ZBTB7C: variants seen among roughly 807,000 people sequenced by gnomAD.
ZBTB7C encodes the protein zinc finger and BTB domain-containing protein 7C.
A neutral mutation model predicts 25.7 loss-of-function variants in ZBTB7C; 8 were observed. That is an observed-to-expected ratio of 0.31 (90% CI 0.18 to 0.56). The LOEUF (loss-of-function observed/expected upper bound fraction) is 0.56. ZBTB7C is among the 20% of genes least tolerant of loss of function. ZBTB7C has a pLI of 0.91. For synonymous variants in ZBTB7C, 394 were observed against 369.0 expected, an observed-to-expected ratio of 1.07 and a Z score of -0.78; for missense variants, 824 against 855.2, an observed-to-expected ratio of 0.96 and a Z score of 0.46.
chr18:48,143,484 A>G (rs986428950), intron 3 of ZBTB7C, among the ~76,000 whole-genome samples: 2 of 152,202 alleles, frequency 1.3e-5, no homozygotes, highest in African/African-American at 4.8e-5. Context: ...TACTGTGTGC[A>G]AGCCAGGATC....
chr18:48,354,952 G>A lies in ZBTB7C; in HGVS notation c.-303-16554C>T, dbSNP rs553737128. On this transcript the variant is annotated intron_variant, in intron 1 of 4. Coordinates refer to ENST00000590800, the MANE Select transcript of ZBTB7C (RefSeq NM_001318841.2). ...TCTTGTTGCCCAAACCTCAGAGGAG[G>A]GCTTTCCCTGAACCAACTCTGACTT... Among the ~76,000 whole-genome samples, 5 of 152,264 alleles carry A rather than the reference G, an allele frequency of 3.3e-5. No homozygotes were observed. In the East Asian group the frequency reaches 5.8e-4, roughly 18 times the overall value.
chr18:48,281,355 C>A (rs914838933), intron 2 of ZBTB7C, among the ~76,000 whole-genome samples: 3 of 152,070 alleles, frequency 2.0e-5, no homozygotes, highest in African/African-American at 7.2e-5. Flanking sequence ...ACCATAAAAA[C>A]CCTAGAAGAA....
intron 2 of ZBTB7C, among the ~76,000 whole-genome samples, chr18:48,293,077 C>A (rs959542583): frequency 6.6e-6 from 1 of 152,344 alleles, no homozygotes; most frequent in Non-Finnish European, 1.5e-5. Context: ...AAATACTCAA[C>A]AAACATTTGA....
chr18:48,212,358 G>A (rs2042721858), intron 2 of ZBTB7C, among the ~76,000 whole-genome samples: 1 of 152,252 alleles, frequency 6.6e-6, no homozygotes, highest in African/African-American at 2.4e-5. Context: ...GAGCACAGAG[G>A]ATGTTGAAAG....
chr18:48,139,249 T>TA (rs1384104529), intron 3 of ZBTB7C, among the ~76,000 whole-genome samples: 1 of 152,044 alleles, frequency 6.6e-6, no homozygotes, highest in African/African-American at 2.4e-5. Context: ...ACTCAGTAGT[T>TA]AAGAAAACAG....
chr18:48,171,780 T>C (rs1269926303), intron 3 of ZBTB7C, among the ~76,000 whole-genome samples: 2 of 152,244 alleles, frequency 1.3e-5, no homozygotes, highest in African/African-American at 4.8e-5. Flanking sequence ...GACTACTTTA[T>C]GTGGGGCAAC....
At chr18:48,035,581 C>T (rs1310561216) in intron 4 of ZBTB7C, among the ~76,000 whole-genome samples, 1 of 152,230 alleles carries the variant, frequency 6.6e-6, no homozygotes, top group East Asian at 1.9e-4. Context: ...GGGCCAGGCC[C>T]AGTTGGCAGT....
chr18:48,324,824 TG>T (rs2046180901), intron 2 of ZBTB7C, among the ~76,000 whole-genome samples: 1 of 152,108 alleles, frequency 6.6e-6, no homozygotes, highest in Non-Finnish European at 1.5e-5. Flanking sequence ...GGGACCTGTC[TG>T]GGCTGGTCCA....
At chr18:48,119,693 C>T (rs550706709) in intron 3 of ZBTB7C, among the ~76,000 whole-genome samples, 1 of 152,340 alleles carries the variant, frequency 6.6e-6, no homozygotes, top group South Asian at 2.1e-4. Flanking sequence ...TTGCTTAGGT[C>T]CATCCTGGGT....
intron 2 of ZBTB7C, among the ~76,000 whole-genome samples, chr18:48,203,161 G>C (rs1052560553): frequency 2.0e-5 from 3 of 152,074 alleles, no homozygotes; most frequent in African/African-American, 4.8e-5. Flanking sequence ...TTTCTGCCCG[G>C]GGCCTCACTC....
intron 2 of ZBTB7C, among the ~76,000 whole-genome samples, chr18:48,294,639 C>T (rs1476621353): frequency 6.6e-6 from 1 of 151,804 alleles, no homozygotes; most frequent in Non-Finnish European, 1.5e-5. Flanking sequence ...GTCCCCACAT[C>T]AGGGCATGCC....
chr18:48,144,624 G>A (rs2040446525), intron 3 of ZBTB7C, among the ~76,000 whole-genome samples: 1 of 152,156 alleles, frequency 6.6e-6, no homozygotes, highest in South Asian at 2.1e-4. Flanking sequence ...GGGATGACAG[G>A]TGTGAGCCAC....
rs548902333 is a variant in ZBTB7C, at chr18:48,102,994, A to G, written c.-16-61871T>C. Among the ~76,000 whole-genome samples the G allele has an allele frequency of 2.7e-5, 4 of 150,832 alleles. No homozygotes were observed. The East Asian group carries it at 7.7e-4, about 29-fold the overall frequency. ...TTTATAAAGAAGAGAGGCAGGAAAG[A>G]CAAATATAAGACAGGGAAGGTGTGG... is the stretch of plus-strand genomic sequence containing the variant. On this transcript the variant is annotated intron_variant, in intron 3 of 4. Coordinates refer to ENST00000590800, the MANE Select transcript of ZBTB7C (RefSeq NM_001318841.2).
intron 1 of ZBTB7C, among the ~76,000 whole-genome samples, chr18:48,362,430 C>A (rs1309175286): frequency 1.3e-5 from 2 of 152,110 alleles, no homozygotes; most frequent in Non-Finnish European, 2.9e-5. Flanking sequence ...GGGACTAGTG[C>A]CCTTATAATG....
intron 1 of ZBTB7C, among the ~76,000 whole-genome samples, chr18:48,349,400 A>G (rs538061472): frequency 6.6e-5 from 10 of 152,288 alleles, no homozygotes; most frequent in African/African-American, 2.2e-4. Flanking sequence ...ACCAGATGCA[A>G]ACTATAGAGG....
chr18:48,112,916 G>A (rs2039298342), intron 3 of ZBTB7C, among the ~76,000 whole-genome samples: 1 of 152,110 alleles, frequency 6.6e-6, no homozygotes, highest in African/African-American at 2.4e-5. Context: ...TTCAATAACT[G>A]TGTGGTCTCT....
rs920940410 is a variant in ZBTB7C, at chr18:48,029,993, C to G, written c.1209-82G>C. The G allele has an allele frequency of 5.1e-6, 8 of 1,574,502 alleles. No individual in the cohort carries two copies. In the African/African-American group the frequency reaches 9.5e-5, roughly 19 times the overall value. On this transcript the variant is annotated intron_variant, in intron 4 of 4. Coordinates refer to ENST00000590800, the MANE Select transcript of ZBTB7C (RefSeq NM_001318841.2). ...CCTTTTGCTCCCCCTTTCTCCAGAA[C>G]CAGCCGAGGCTCCCTACTGCCATGG...
intron 3 of ZBTB7C, among the ~76,000 whole-genome samples, chr18:48,114,799 C>T (rs1464212834): frequency 1.3e-5 from 2 of 152,158 alleles, no homozygotes; most frequent in African/African-American, 4.8e-5. Flanking sequence ...AGAAACCTAG[C>T]ATTGAGGTAG....
intron 1 of ZBTB7C, among the ~76,000 whole-genome samples, chr18:48,382,941 A>T (rs1246737317): frequency 6.6e-6 from 1 of 152,258 alleles, no homozygotes; most frequent in Non-Finnish European, 1.5e-5. Flanking sequence ...TAAAAGTGAC[A>T]GGCAACATAA....
Sources: allele counts gnomAD v4.1 joint callset (sites outside exome capture counted in the v4.1 genomes callset), GRCh38; gene constraint gnomAD v4.1.1; transcripts MANE v1.5; gene names NCBI Gene and HGNC (gene_info 2026-07-23, HGNC 2026-07-21).